ADGRL3: variants seen among roughly 807,000 people sequenced by gnomAD.
ADGRL3 encodes calcium-independent alpha-latrotoxin receptor 3.
A neutral mutation model predicts 153.5 loss-of-function variants in ADGRL3; 62 were observed. The observed-to-expected ratio is 0.40, with a 90% CI of 0.33 to 0.50. ADGRL3 has a LOEUF of 0.50. Ranked by LOEUF, ADGRL3 falls within the 20% of genes least tolerant of loss-of-function variation. The pLI, the probability that ADGRL3 is intolerant of heterozygous loss-of-function variation, is 0.47. For missense variants in ADGRL3, 1,641 were observed against 1,859.4 expected (o/e 0.88, Z 2.16); for synonymous variants, 710 against 672.5 (o/e 1.06, Z -0.86).
intron 6 of ADGRL3, among the ~76,000 whole-genome samples, chr4:61,681,954 A>G (rs1026554596): frequency 1.3e-5 from 2 of 152,024 alleles, no homozygotes; most frequent in Non-Finnish European, 2.9e-5. Context: ...ACATTCAATA[A>G]ATATGTATTG....
intron 3 of ADGRL3, among the ~76,000 whole-genome samples, chr4:61,503,217 T>G (rs2098404023): frequency 6.6e-6 from 1 of 152,176 alleles, no homozygotes; most frequent in Non-Finnish European, 1.5e-5. Context: ...AAAATAATTT[T>G]TTTTTTTGCT....
At chr4:62,031,847 T>C (rs866707002) in intron 23 of ADGRL3, among the ~76,000 whole-genome samples, 15 of 151,434 alleles carry the variant, frequency 9.9e-5, no homozygotes, top group African/African-American at 3.1e-4. Flanking sequence ...ACAAAAATTA[T>C]TTTCTTATAG....
At chr4:61,613,230 G>A (rs536808826) in intron 5 of ADGRL3, among the ~76,000 whole-genome samples, 266 of 152,136 alleles carry the variant, frequency 1.7e-3, no homozygotes, top group Admixed American at 3.5e-3. Context: ...TTTGTTACCT[G>A]TTCTTTAGAT....
At chr4:61,629,816 T>A (rs1276147079) in intron 5 of ADGRL3, among the ~76,000 whole-genome samples, 1 of 138,060 alleles carries the variant, frequency 7.2e-6, no homozygotes, top group Non-Finnish European at 1.5e-5. Context: ...ACTGCCAGAA[T>A]CACAGTCATT....
intron 1 of ADGRL3, among the ~76,000 whole-genome samples, chr4:61,297,834 A>G (rs1225052185): frequency 6.6e-6 from 1 of 152,030 alleles, no homozygotes; most frequent in Non-Finnish European, 1.5e-5. Flanking sequence ...CGCCACCACC[A>G]CCACCACCAT....
At chr4:61,326,786 T>A (rs1046366933) in intron 1 of ADGRL3, among the ~76,000 whole-genome samples, 1 of 151,998 alleles carries the variant, frequency 6.6e-6, no homozygotes, top group African/African-American at 2.4e-5. Context: ...GTGTTAAAAT[T>A]GAACTATGCA....
chr4:61,519,612 C>A (rs2098517792), intron 4 of ADGRL3, among the ~76,000 whole-genome samples: 1 of 152,250 alleles, frequency 6.6e-6, no homozygotes, highest in Non-Finnish European at 1.5e-5. Context: ...ATTATAGGGG[C>A]ATAATCTTTC....
chr4:61,657,687 T>C (rs1039847378), intron 5 of ADGRL3, among the ~76,000 whole-genome samples: 1 of 152,198 alleles, frequency 6.6e-6, no homozygotes, highest in Non-Finnish European at 1.5e-5. Flanking sequence ...ATTTTGAAAA[T>C]GTCCGCTTGC....
chr4:61,425,618 C>CAAAGGAA (rs2097267870), intron 2 of ADGRL3, among the ~76,000 whole-genome samples: 1 of 152,214 alleles, frequency 6.6e-6, no homozygotes, highest in African/African-American at 2.4e-5. Context: ...GTGGCTTCTG[C>CAAAGGAA]CCAGGGTGGT....
chr4:61,580,294 T>G (rs374813797), intron 4 of ADGRL3, among the ~76,000 whole-genome samples: 6 of 152,036 alleles, frequency 3.9e-5, no homozygotes, highest in Admixed American at 2.0e-4. Context: ...ATATGATCAG[T>G]GAGATGCAGG....
chr4:61,316,824 G>T (rs1407409710), intron 1 of ADGRL3, among the ~76,000 whole-genome samples: 1 of 152,102 alleles, frequency 6.6e-6, no homozygotes, highest in Non-Finnish European at 1.5e-5. Context: ...TACATATTTT[G>T]CTAACAACAT....
chr4:61,833,619 G>T (rs578076264), intron 9 of ADGRL3, among the ~76,000 whole-genome samples: 1 of 152,252 alleles, frequency 6.6e-6, no homozygotes, highest in South Asian at 2.1e-4. Context: ...TCCATCAAGT[G>T]CAGGATCTGC....
intron 2 of ADGRL3, among the ~76,000 whole-genome samples, chr4:61,457,993 T>C (rs1339434735): frequency 1.3e-5 from 2 of 151,804 alleles, no homozygotes; most frequent in African/African-American, 4.8e-5. Flanking sequence ...AATTCAGTCT[T>C]ATTGGAGATA....
At chr4:61,906,476 C>T (rs1012387169) in intron 11 of ADGRL3, 5 of 152,040 alleles carry the variant, frequency 3.3e-5, no homozygotes, top group African/African-American at 1.2e-4. Context: ...TAGTCATAAT[C>T]CATTTTATTG....
intron 2 of ADGRL3, among the ~76,000 whole-genome samples, chr4:61,383,741 T>C (rs2096701953): frequency 1.3e-5 from 2 of 151,944 alleles, no homozygotes; most frequent in South Asian, 4.1e-4. Flanking sequence ...AAAATTATGT[T>C]ATTTATCAGA....
At chr4:61,589,986 C>T (rs1158278642) in intron 5 of ADGRL3, among the ~76,000 whole-genome samples, 4 of 152,114 alleles carry the variant, frequency 2.6e-5, no homozygotes, top group Non-Finnish European at 1.5e-5. Context: ...TCTCCAATCA[C>T]GTGTGCTCTC....
At chr4:61,820,910 A>G (rs910024231) in intron 9 of ADGRL3, among the ~76,000 whole-genome samples, 2 of 152,170 alleles carry the variant, frequency 1.3e-5, no homozygotes, top group Admixed American at 1.3e-4. Flanking sequence ...AAATCTTAAT[A>G]TATTACAGAC....
intron 1 of ADGRL3, among the ~76,000 whole-genome samples, chr4:61,353,440 G>C (rs1429484912): frequency 6.6e-6 from 1 of 151,800 alleles, no homozygotes; most frequent in East Asian, 1.9e-4. Flanking sequence ...AGCCCATTTA[G>C]TTATTCAGAG....
intron 17 of ADGRL3, among the ~76,000 whole-genome samples, chr4:61,960,433 G>C (rs1033951910): frequency 6.6e-6 from 1 of 152,122 alleles, no homozygotes; most frequent in Admixed American, 6.5e-5. Context: ...GAGTATGTTA[G>C]CAGAACAGGC....
Sources: allele counts gnomAD v4.1 joint callset (sites outside exome capture counted in the v4.1 genomes callset), GRCh38; gene constraint gnomAD v4.1.1; transcripts MANE v1.5; gene names NCBI Gene and HGNC (gene_info 2026-07-23, HGNC 2026-07-21).